DIS3L2: variants seen among roughly 807,000 people sequenced by gnomAD.
DIS3L2 encodes the protein DIS3 like 3'-5' exoribonuclease 2.
In DIS3L2, 34 loss-of-function variants were observed where a neutral mutation model predicts 97.5. The observed-to-expected ratio is 0.35, with a 90% CI of 0.27 to 0.46. DIS3L2 has a LOEUF of 0.46. DIS3L2 is among the 20% of genes least tolerant of loss of function. The pLI is 1.00. For synonymous variants in DIS3L2, 435 were observed against 445.2 expected, an observed-to-expected ratio of 0.98 and a Z score of 0.29; for missense variants, 1,038 against 1,146.0, an observed-to-expected ratio of 0.91 and a Z score of 1.36.
At chr2:232,335,050 G>A (rs1265525575) in intron 19 of DIS3L2, 17 of 324,222 alleles carry the variant, frequency 5.2e-5, no homozygotes, top group African/African-American at 2.8e-4. Flanking sequence ...AAAGGCCAGC[G>A]AATGGTCCGT....
intron 14 of DIS3L2, among the ~76,000 whole-genome samples, chr2:232,317,475 T>A (rs533064605): frequency 6.6e-6 from 1 of 152,176 alleles, no homozygotes; most frequent in Non-Finnish European, 1.5e-5. Flanking sequence ...CTCACTCTGT[T>A]GCCCAGGCTG....
intron 3 of DIS3L2, among the ~76,000 whole-genome samples, chr2:232,018,258 C>CAA (rs1288008126): frequency 7.1e-6 from 1 of 141,094 alleles, no homozygotes; most frequent in African/African-American, 2.8e-5. Context: ...TGCTGATACT[C>CAA]AAACAAAACA....
intron 9 of DIS3L2, among the ~76,000 whole-genome samples, chr2:232,203,529 A>G (rs1691951624): frequency 6.6e-6 from 1 of 152,208 alleles, no homozygotes; most frequent in South Asian, 2.1e-4. Flanking sequence ...AGTGCTCCAC[A>G]AGAGCCCTTT....
At chr2:231,962,366 A>G (rs1008340243) in intron 1 of DIS3L2, among the ~76,000 whole-genome samples, 4 of 151,462 alleles carry the variant, frequency 2.6e-5, no homozygotes, top group African/African-American at 9.7e-5. Context: ...CATAGAACCC[A>G]GTAGGTAGTT....
At chr2:232,305,379 C>T (rs1694961262) in intron 14 of DIS3L2, among the ~76,000 whole-genome samples, 3 of 152,086 alleles carry the variant, frequency 2.0e-5, no homozygotes, top group African/African-American at 4.8e-5. Context: ...CGCCTGTCCT[C>T]ATGTTTGGTT....
chr2:232,067,361 TA>T (rs1695880750), intron 5 of DIS3L2, among the ~76,000 whole-genome samples: 1 of 152,222 alleles, frequency 6.6e-6, no homozygotes, highest in South Asian at 2.1e-4. Context: ...CAAAATAAGT[TA>T]AAGTTTTCTT....
chr2:232,339,765 G>A, downstream of DIS3L2: 1 of 455,160 alleles, frequency 2.2e-6, no homozygotes, highest in South Asian at 1.6e-5. Context: ...GTGCCTTTTG[G>A]GAGCGCAGGC....
chr2:232,246,696 C>T (rs557791078), intron 11 of DIS3L2, among the ~76,000 whole-genome samples: 2 of 152,382 alleles, frequency 1.3e-5, no homozygotes, highest in South Asian at 2.1e-4. Flanking sequence ...CTGCACTTCA[C>T]TCACTGTAAA....
intron 1 of DIS3L2, among the ~76,000 whole-genome samples, chr2:231,999,481 T>G (rs1351334585): frequency 6.6e-6 from 1 of 152,228 alleles, no homozygotes; most frequent in Non-Finnish European, 1.5e-5. Context: ...ACCATTGAGT[T>G]ATACTGATAT....
At chr2:232,014,356 G>A (rs1459726070) in intron 1 of DIS3L2, among the ~76,000 whole-genome samples, 1 of 152,186 alleles carries the variant, frequency 6.6e-6, no homozygotes, top group Non-Finnish European at 1.5e-5. Flanking sequence ...AATGAATTAG[G>A]TTTTGTTGGT....
chr2:231,972,955 A>G (rs1445279413), intron 1 of DIS3L2, among the ~76,000 whole-genome samples: 2 of 152,156 alleles, frequency 1.3e-5, no homozygotes, highest in African/African-American at 4.8e-5. Context: ...AAAAATTTGC[A>G]TTTCTGTTTA....
chr2:232,183,274 A>T (rs1002586851), intron 9 of DIS3L2, among the ~76,000 whole-genome samples: 2 of 152,242 alleles, frequency 1.3e-5, no homozygotes, highest in African/African-American at 4.8e-5. Flanking sequence ...CAACTCAAAC[A>T]AACAGAGACA....
chr2:232,262,489 C>T (rs1280154566), intron 12 of DIS3L2, among the ~76,000 whole-genome samples: 1 of 152,230 alleles, frequency 6.6e-6, no homozygotes, highest in Non-Finnish European at 1.5e-5. Context: ...GCCAGCTTTC[C>T]CCTAGAAGAC....
chr2:232,282,679 A>G (rs779765888), intron 13 of DIS3L2, among the ~76,000 whole-genome samples: 1 of 152,194 alleles, frequency 6.6e-6, no homozygotes, highest in Non-Finnish European at 1.5e-5. Flanking sequence ...GTATCCATGC[A>G]GCACCTAATT....
intron 1 of DIS3L2, among the ~76,000 whole-genome samples, chr2:231,989,339 TTGTGTG>T (rs59088969): frequency 0.014 from 2,112 of 146,740 alleles, 27 homozygotes; most frequent in Middle Eastern, 0.031. Context: ...GTCAGTATAA[TTGTGTG>T]TGTGTGTGTG....
At position 232,192,890 on chromosome 2, in the gene DIS3L2, C is replaced by T. The variant is rs529453984; in HGVS notation, c.1125-17436C>T. Among the ~76,000 whole-genome samples the T allele has an allele frequency of 1.1e-4, 17 of 152,274 alleles. No individual in the cohort carries two copies. In the South Asian group the frequency reaches 3.3e-3, roughly 30 times the overall value. Reference sequence around the variant, plus strand: ...CTCCCAGAATCCAAGGGCAGGGAACCAGGGACTGCAGTGAGGCAAGAAACC... The same window carrying T: ...CTCCCAGAATCCAAGGGCAGGGAACTAGGGACTGCAGTGAGGCAAGAAACC... On this transcript the variant is annotated intron_variant, in intron 9 of 20. Coordinates refer to ENST00000325385, the MANE Select transcript of DIS3L2 (RefSeq NM_152383.5).
chr2:232,095,162 A>G (rs1266431952), intron 6 of DIS3L2, among the ~76,000 whole-genome samples: 1 of 152,208 alleles, frequency 6.6e-6, no homozygotes, highest in Non-Finnish European at 1.5e-5. Context: ...CAGTGTTAAC[A>G]TTGATGAGTA....
intron 6 of DIS3L2, among the ~76,000 whole-genome samples, chr2:232,125,954 A>C (rs892096585): frequency 6.6e-6 from 1 of 152,228 alleles, no homozygotes; most frequent in Non-Finnish European, 1.5e-5. Context: ...TCATTTACAA[A>C]TACATACTGC....
At chr2:232,264,658 C>T (rs1354780206) in intron 13 of DIS3L2, among the ~76,000 whole-genome samples, 1 of 152,232 alleles carries the variant, frequency 6.6e-6, no homozygotes, top group African/African-American at 2.4e-5. Flanking sequence ...CCGCCTCATG[C>T]AGACTTCTTT....
Sources: allele counts gnomAD v4.1 joint callset (sites outside exome capture counted in the v4.1 genomes callset), GRCh38; gene constraint gnomAD v4.1.1; transcripts MANE v1.5; gene names NCBI Gene and HGNC (gene_info 2026-07-23, HGNC 2026-07-21).